UNC13C: variants seen among roughly 807,000 people sequenced by gnomAD.
UNC13C encodes the protein protein unc-13 homolog C.
Under a neutral mutation model 245.4 loss-of-function variants are expected in UNC13C, and 174 were observed. That is an observed-to-expected ratio of 0.71 (90% CI 0.63 to 0.80). UNC13C has a LOEUF of 0.80. Ranked by LOEUF, UNC13C falls within the 30% of genes least tolerant of loss-of-function variation. The pLI, the probability that UNC13C is intolerant of heterozygous loss-of-function variation, is 0.00. For missense variants in UNC13C, 2,829 were observed against 2,602.9 expected (o/e 1.09, Z -1.89); for synonymous variants, 992 against 895.1 (o/e 1.11, Z -1.93).
At chr15:54,154,814 T>A (rs2032672269) in intron 4 of UNC13C, among the ~76,000 whole-genome samples, 1 of 152,306 alleles carries the variant, frequency 6.6e-6, no homozygotes, top group East Asian at 1.9e-4. Context: ...AAAGGGACTA[T>A]ATTGTCCTGA....
intron 2 of UNC13C, among the ~76,000 whole-genome samples, chr15:54,082,512 T>C (rs112154411): frequency 2.0e-5 from 3 of 152,198 alleles, no homozygotes; most frequent in African/African-American, 7.2e-5. Flanking sequence ...TCATTTCAAC[T>C]TTCTCTTGGA....
rs532040251 is a variant in UNC13C at position 54,276,374 on chromosome 15, T to C, written c.3818+10878T>C. Among the ~76,000 whole-genome samples, 120 of 152,202 alleles carry C rather than the reference T, an allele frequency of 7.9e-4. 1 individual carries two copies. The highest frequency in any genetic ancestry group is 2.6e-3 in the African/African-American group (108 of 41,564). On this transcript the variant is annotated intron_variant, in intron 10 of 32. Transcript: ENST00000260323. Reference sequence around the variant, plus strand: ...TCATTCACTGTGTTAGCAGAGTCAGTATTCCACTAATTACACCCCACAAAT... The same window carrying C: ...TCATTCACTGTGTTAGCAGAGTCAGCATTCCACTAATTACACCCCACAAAT...
intron 1 of UNC13C, among the ~76,000 whole-genome samples, chr15:53,985,993 C>T (rs1894124224): frequency 6.6e-6 from 1 of 152,000 alleles, no homozygotes; most frequent in Non-Finnish European, 1.5e-5. Context: ...GTGGGTCCTG[C>T]TTGATGGCAT....
chr15:54,069,570 T>A (rs1898225380), intron 2 of UNC13C, among the ~76,000 whole-genome samples: 1 of 152,188 alleles, frequency 6.6e-6, no homozygotes, highest in Admixed American at 6.5e-5. Context: ...TGGCCAAGTT[T>A]GTGTCAAATG....
chr15:54,155,715 A>G (rs1482008460), intron 4 of UNC13C, among the ~76,000 whole-genome samples: 2 of 152,206 alleles, frequency 1.3e-5, no homozygotes, highest in East Asian at 3.9e-4. Flanking sequence ...AGATGGGTGA[A>G]TAAAAGTGTT....
intron 4 of UNC13C, among the ~76,000 whole-genome samples, chr15:54,202,042 C>G (rs1447562708): frequency 1.3e-5 from 2 of 151,392 alleles, no homozygotes; most frequent in Admixed American, 6.6e-5. Context: ...AGAATCAAAT[C>G]AAGAACTCAA....
intron 26 of UNC13C, among the ~76,000 whole-genome samples, chr15:54,539,479 A>G (rs1347984839): frequency 2.0e-5 from 3 of 151,988 alleles, no homozygotes; most frequent in Non-Finnish European, 2.9e-5. Flanking sequence ...TTTTCTATAC[A>G]TTCTCTGGAC....
rs184222877 is a variant in UNC13C, at chr15:54,112,310, G to A, written c.2984-30708G>A. ...AGAGTAGCTCTCTTTCCTGCAGAGA[G>A]AGAGGGGCTCCTGAGTGGGTCTTCC... On this transcript the variant is annotated intron_variant, in intron 2 of 32. Transcript: ENST00000260323. Among the ~76,000 whole-genome samples, 68 of 152,320 alleles carry A rather than the reference G, an allele frequency of 4.5e-4. No individual in the cohort carries two copies. In the East Asian group the frequency reaches 0.01, roughly 22 times the overall value.
chr15:54,542,792 G>A (rs1296079286), intron 26 of UNC13C, among the ~76,000 whole-genome samples: 2 of 152,054 alleles, frequency 1.3e-5, no homozygotes, highest in Non-Finnish European at 2.9e-5. Flanking sequence ...TTGGTTTAAA[G>A]TCTGTTTTAT....
At chr15:54,049,396 T>C (rs964949041) in intron 2 of UNC13C, 2 of 512,284 alleles carry the variant, frequency 3.9e-6, no homozygotes, top group East Asian at 5.5e-5. Context: ...AGTTCCTTCT[T>C]TGAGATCAAA....
chr15:54,266,350 G>A (rs949868765), intron 10 of UNC13C, among the ~76,000 whole-genome samples: 2 of 152,050 alleles, frequency 1.3e-5, no homozygotes, highest in African/African-American at 4.8e-5. Flanking sequence ...TGAACTAAGG[G>A]ATTTGGAGGA....
chr15:54,584,806 C>G (rs546479013), intron 30 of UNC13C, among the ~76,000 whole-genome samples: 2 of 152,264 alleles, frequency 1.3e-5, no homozygotes, highest in South Asian at 4.1e-4. Context: ...CAGATGAGAC[C>G]GGGCTTCAGG....
chr15:54,130,627 A>C (rs1289158460), intron 2 of UNC13C, among the ~76,000 whole-genome samples: 1 of 152,124 alleles, frequency 6.6e-6, no homozygotes, highest in Non-Finnish European at 1.5e-5. Context: ...ATGTGAAAAG[A>C]ATAAATATAT....
chr15:54,466,231 T>G (rs1429897382), intron 19 of UNC13C, among the ~76,000 whole-genome samples: 1 of 151,762 alleles, frequency 6.6e-6, no homozygotes, highest in African/African-American at 2.4e-5. Flanking sequence ...AAAATACAAT[T>G]AGATAGAAGA....
chr15:54,049,728 C>T (rs1897193317), intron 2 of UNC13C: 2 of 232,880 alleles, frequency 8.6e-6, no homozygotes, highest in East Asian at 1.4e-4. Flanking sequence ...ATGTGATCAC[C>T]CAGTTTTATT....
intron 27 of UNC13C, among the ~76,000 whole-genome samples, 155 bp downstream of exon 27, chr15:54,547,000 C>T (rs147756832): frequency 2.0e-3 from 302 of 152,252 alleles, no homozygotes; most frequent in Non-Finnish European, 3.6e-3. Context: ...TGATAGTTTC[C>T]TATCCAAGTC....
intron 17 of UNC13C, among the ~76,000 whole-genome samples, chr15:54,388,902 G>T (rs1327704220): frequency 6.6e-6 from 1 of 151,996 alleles, no homozygotes; most frequent in Non-Finnish European, 1.5e-5. Context: ...TTACCTTCTA[G>T]ATTCCTCCTT....
At chr15:54,625,886 T>A (rs76518669) in intron 32 of UNC13C, among the ~76,000 whole-genome samples, 17,118 of 152,116 alleles carry the variant, frequency 0.11, 1,028 homozygotes, top group Middle Eastern at 0.23. Flanking sequence ...TTTTAATTCA[T>A]GAGATCTGAT....
chr15:54,631,085 CTG>C (rs1253834726), downstream of UNC13C: 2 of 152,176 alleles, frequency 1.3e-5, no homozygotes, highest in African/African-American at 4.8e-5. Flanking sequence ...TGGCTCACAA[CTG>C]TAATCCCAGC....
Sources: gnomAD v4.1 joint callset for allele counts (sites outside exome capture counted in the v4.1 genomes callset) on GRCh38, gnomAD v4.1.1 for gene constraint, MANE v1.5 for transcripts, NCBI Gene and HGNC (gene_info 2026-07-23, HGNC 2026-07-21) for gene names.